LZTS1: variants seen among roughly 807,000 people sequenced by gnomAD.
LZTS1 encodes the protein leucine zipper tumor suppressor 1, also known as leucine zipper putative tumor suppressor 1.
Under a neutral mutation model 45.8 loss-of-function variants are expected in LZTS1, and 31 were observed. The observed-to-expected ratio is 0.68, with a 90% CI of 0.51 to 0.91. The LOEUF (loss-of-function observed/expected upper bound fraction) is 0.91, where lower values mean the gene tolerates loss of function less well. LZTS1 is among the 40% of genes least tolerant of loss of function. LZTS1 has a pLI of 0.00. For synonymous variants in LZTS1, 359 were observed against 357.3 expected (o/e 1.00, Z -0.05); for missense variants, 821 against 788.9 (o/e 1.04, Z -0.49).
chr8:20,270,833 T>TGTGTGTGTG (rs1563878388), intron 1 of LZTS1, among the ~76,000 whole-genome samples: 4 of 119,262 alleles, frequency 3.4e-5, no homozygotes, highest in South Asian at 2.8e-4. Flanking sequence ...GTGTGTGTGT[T>TGTGTGTGTG]TGTGTGTGTG....
At chr8:20,274,762 T>C (rs561721380) in intron 1 of LZTS1, among the ~76,000 whole-genome samples, 30 of 152,280 alleles carry the variant, frequency 2.0e-4, no homozygotes, top group African/African-American at 7.2e-4. Flanking sequence ...TTCTGGGATG[T>C]GGGATGTCAG....
chr8:20,287,897 C>CAAAAAAA (rs34653802), intron 1 of LZTS1, among the ~76,000 whole-genome samples: 1 of 54,106 alleles, frequency 1.8e-5, no homozygotes. Flanking sequence ...GCACTCCAGC[C>CAAAAAAA]AAAAAAAAAA....
At chr8:20,268,706 G>C (rs902585604) in intron 1 of LZTS1, among the ~76,000 whole-genome samples, 1 of 152,088 alleles carries the variant, frequency 6.6e-6, no homozygotes, top group Non-Finnish European at 1.5e-5. Flanking sequence ...GAGGAGGAAG[G>C]GGGTGGGGGA....
At chr8:20,250,603 G>C (rs1056902918) in intron 3 of LZTS1, among the ~76,000 whole-genome samples, 1 of 152,120 alleles carries the variant, frequency 6.6e-6, no homozygotes, top group Non-Finnish European at 1.5e-5. Flanking sequence ...ATGACACATA[G>C]TATATTATTA....
intron 1 of LZTS1, among the ~76,000 whole-genome samples, chr8:20,300,217 G>T (rs1801050937): frequency 6.6e-6 from 1 of 152,208 alleles, no homozygotes; most frequent in Non-Finnish European, 1.5e-5. Context: ...GAAATCCACT[G>T]TTGGGAACAG....
intron 1 of LZTS1, among the ~76,000 whole-genome samples, chr8:20,296,688 C>T (rs969517622): frequency 1.4e-4 from 21 of 152,092 alleles, no homozygotes; most frequent in African/African-American, 3.6e-4. Flanking sequence ...GAAATGGATA[C>T]GTGTGTGTGC....
At chr8:20,267,512 G>A (rs1469707586) in intron 1 of LZTS1, among the ~76,000 whole-genome samples, 1 of 151,936 alleles carries the variant, frequency 6.6e-6, no homozygotes, top group Admixed American at 6.6e-5. Context: ...ACAGACACTT[G>A]TTTTTTTGCT....
intron 1 of LZTS1, among the ~76,000 whole-genome samples, chr8:20,277,628 T>C (rs904987404): frequency 3.3e-5 from 5 of 152,202 alleles, no homozygotes; most frequent in Admixed American, 2.0e-4. Flanking sequence ...GGCCTTTAAC[T>C]GTGGATTTTC....
intron 1 of LZTS1, among the ~76,000 whole-genome samples, chr8:20,288,079 T>A (rs1410322828): frequency 1.3e-5 from 2 of 151,924 alleles, no homozygotes; most frequent in African/African-American, 4.8e-5. Flanking sequence ...CCAGGTGCAA[T>A]CCTGTCTCCT....
intron 1 of LZTS1, among the ~76,000 whole-genome samples, chr8:20,287,059 G>C (rs1016961835): frequency 1.3e-5 from 2 of 152,168 alleles, no homozygotes; most frequent in African/African-American, 4.8e-5. Flanking sequence ...GCACACCTCT[G>C]CATGTATATT....
chr8:20,273,110 C>T (rs959642129), intron 1 of LZTS1, among the ~76,000 whole-genome samples: 3 of 152,162 alleles, frequency 2.0e-5, no homozygotes, highest in Non-Finnish European at 4.4e-5. Flanking sequence ...TTGCTAAATC[C>T]AATGGACCTT....
chr8:20,265,232 C>T (rs1156617281), intron 1 of LZTS1, among the ~76,000 whole-genome samples: 1 of 152,172 alleles, frequency 6.6e-6, no homozygotes, highest in Non-Finnish European at 1.5e-5. Flanking sequence ...CACGCCTTCG[C>T]TTTTTCATGC....
In LZTS1 at chr8:20,267,108, AAAAAAAAAAAAAAAG is replaced by A. The variant is rs1320486293; in HGVS notation, c.-134-11808_-134-11794del. On this transcript the variant is annotated intron_variant, in intron 1 of 3. Coordinates refer to ENST00000381569, the MANE Select transcript of LZTS1 (RefSeq NM_021020.5). ...GGGCAACAAAGTGAGACTCCATCTC[AAAAAAAAAAAAAAAG>A]AAAAGAAAAAAAAAGAAAACAGCTA... Among the ~76,000 whole-genome samples the A allele has an allele frequency of 7.2e-5, 4 of 55,426 alleles. 1 individual carries two copies. The highest frequency in any genetic ancestry group is 1.7e-4 in the African/African-American group (2 of 11,510). 36.4% of individuals were successfully genotyped at this position (55,426 alleles called of 152,430 possible).
At position 20,303,810 on chromosome 8, in the gene LZTS1, C is replaced by G. The variant is rs1801125304; in HGVS notation, c.-205G>C. 1.0e-6 allele frequency: 1 copy of G among 984,380 alleles called. No homozygotes were observed. Among genetic ancestry groups the G allele is most frequent in the Admixed American group, 6.2e-5 (1 of 16,208 alleles). 61.0% of individuals were successfully genotyped at this position (984,380 alleles called of 1,614,324 possible). On this transcript the variant is annotated 5_prime_UTR_variant, in exon 1 of 4. Coordinates refer to ENST00000381569, the MANE Select transcript of LZTS1 (RefSeq NM_021020.5). ...AGTGTTTCCCGGTGTGTTCCCGTCT[C>G]TCTTTTTCCAGAGCTGCTGAGCGGG... is the stretch of plus-strand genomic sequence containing the variant.
At chr8:20,253,917 G>C (rs1239728025) in intron 2 of LZTS1, among the ~76,000 whole-genome samples, 1 of 152,178 alleles carries the variant, frequency 6.6e-6, no homozygotes, top group East Asian at 1.9e-4. Context: ...TAGGGCATCA[G>C]GCTGGCCGAG....
chr8:20,271,510 G>T (rs546472011), intron 1 of LZTS1, among the ~76,000 whole-genome samples: 1 of 152,246 alleles, frequency 6.6e-6, no homozygotes, highest in African/African-American at 2.4e-5. Context: ...GCTTAAAGAG[G>T]CTCCGAAGAG....
intron 1 of LZTS1, among the ~76,000 whole-genome samples, chr8:20,301,800 G>A (rs774130592): frequency 5.3e-5 from 8 of 151,920 alleles, no homozygotes; most frequent in Non-Finnish European, 1.0e-4. Flanking sequence ...ATCGACCCAG[G>A]CACACACAGC....
chr8:20,266,430 A>T (rs773664896), intron 1 of LZTS1, among the ~76,000 whole-genome samples: 7 of 152,154 alleles, frequency 4.6e-5, no homozygotes, highest in Non-Finnish European at 7.3e-5. Flanking sequence ...TGTGACTTAA[A>T]CTGAGGTCTC....
intron 1 of LZTS1, among the ~76,000 whole-genome samples, chr8:20,273,836 A>G (rs1436680240): frequency 1.3e-5 from 2 of 152,024 alleles, no homozygotes; most frequent in Middle Eastern, 6.4e-3. Flanking sequence ...TAAAGCCCAA[A>G]TGTCCTAACA....
Sources: gnomAD v4.1 joint callset for allele counts (sites outside exome capture counted in the v4.1 genomes callset) on GRCh38, gnomAD v4.1.1 for gene constraint, MANE v1.5 for transcripts, NCBI Gene and HGNC (gene_info 2026-07-23, HGNC 2026-07-21) for gene names.